NAALADL2: variants seen among roughly 807,000 people sequenced by gnomAD.
The protein encoded by NAALADL2 is inactive N-acetylated-alpha-linked acidic dipeptidase-like protein 2.
Under a neutral mutation model 87.2 loss-of-function variants are expected in NAALADL2, and 76 were observed. That is an observed-to-expected ratio of 0.87 (90% CI 0.72 to 1.05). The LOEUF is 1.05. Ranked by LOEUF, NAALADL2 falls within the 50% of genes least tolerant of loss-of-function variation. The pLI, the probability that NAALADL2 is intolerant of heterozygous loss-of-function variation, is 0.00. For synonymous variants in NAALADL2, 354 were observed against 331.0 expected (o/e 1.07, Z -0.75); for missense variants, 1,089 against 945.8 (o/e 1.15, Z -1.99).
At chr3:175,361,056 C>T (rs1434010349) in intron 5 of NAALADL2, among the ~76,000 whole-genome samples, 15 of 149,698 alleles carry the variant, frequency 1.0e-4, no homozygotes. Context: ...GTGTGATGTT[C>T]CCCATCCTGT....
At chr3:175,327,943 A>C (rs1760939926) in intron 5 of NAALADL2, among the ~76,000 whole-genome samples, 1 of 152,244 alleles carries the variant, frequency 6.6e-6, no homozygotes, top group Non-Finnish European at 1.5e-5. Flanking sequence ...GAAGCTGCTG[A>C]AAATTGATGG....
upstream of NAALADL2, among the ~76,000 whole-genome samples, chr3:174,857,998 A>G (rs1726043299): frequency 6.6e-6 from 1 of 151,602 alleles, no homozygotes; most frequent in Non-Finnish European, 1.5e-5. Flanking sequence ...CACATAATAT[A>G]TAGATTTTTT....
intron 1 of NAALADL2, among the ~76,000 whole-genome samples, chr3:174,948,325 T>C (rs1310830826): frequency 6.6e-6 from 1 of 152,076 alleles, no homozygotes; most frequent in Non-Finnish European, 1.5e-5. Context: ...TATAGGCGTG[T>C]GCCACCAAAC....
At chr3:175,134,747 T>C (rs1040443003) in intron 2 of NAALADL2, among the ~76,000 whole-genome samples, 2 of 152,108 alleles carry the variant, frequency 1.3e-5, no homozygotes, top group African/African-American at 4.8e-5. Context: ...TTCAAGACTA[T>C]CATCACTTTT....
intron 2 of NAALADL2, among the ~76,000 whole-genome samples, chr3:175,193,941 C>A (rs772951127): frequency 6.6e-6 from 1 of 151,748 alleles, no homozygotes; most frequent in Non-Finnish European, 1.5e-5. Context: ...TTTTAACAGA[C>A]GAAAATAGAT....
At chr3:174,801,688 G>A (rs73050171) in intron 3 of NAALADL2, among the ~76,000 whole-genome samples, 16,568 of 151,914 alleles carry the variant, frequency 0.11, 1,057 homozygotes, top group African/African-American at 0.18. Context: ...TATTTTGAGC[G>A]TTTTTATCAT....
chr3:175,095,387 A>G (rs1720974841), intron 1 of NAALADL2, among the ~76,000 whole-genome samples: 2 of 151,946 alleles, frequency 1.3e-5, no homozygotes, highest in Non-Finnish European at 1.5e-5. Context: ...ATAAGGTCCT[A>G]TTTATTTCTG....
At chr3:174,814,335 C>T (rs978520880) in intron 3 of NAALADL2, among the ~76,000 whole-genome samples, 11 of 151,994 alleles carry the variant, frequency 7.2e-5, no homozygotes, top group South Asian at 4.1e-4. Flanking sequence ...TCTCAATCTC[C>T]TGACCTCGTG....
At chr3:174,708,546 A>G (rs4410453) in intron 2 of NAALADL2, among the ~76,000 whole-genome samples, 125,871 of 152,116 alleles carry the variant, frequency 0.83, 52,314 homozygotes, top group Middle Eastern at 0.91. Flanking sequence ...TTGTGAACTC[A>G]TAATTATAAA....
rs60572633 is a variant in NAALADL2 at position 175,314,666 on chromosome 3, CTATATATATATATATATATATATATA to C, written c.940-9478_940-9453del. 8.5e-3 allele frequency among the ~76,000 whole-genome samples: 262 copies of C among 30,770 alleles called. 4 individuals are homozygous for C. Among genetic ancestry groups the C allele is most frequent in the African/African-American group, 0.016 (151 of 9,394 alleles). 20.2% of individuals were successfully genotyped at this position (30,770 alleles called of 152,430 possible). On this transcript the variant is annotated intron_variant, in intron 4 of 13. Transcript: ENST00000454872. ...CGTTTTCTAGTATATATAGTTCTAA[CTATATATATATATATATATATATATA>C]TATATATATATATATATATATATAT...
At chr3:174,614,552 C>T (rs1720259673) in intron 2 of NAALADL2, among the ~76,000 whole-genome samples, 1 of 152,206 alleles carries the variant, frequency 6.6e-6, no homozygotes. Flanking sequence ...CTCTCCACCA[C>T]ACTGCCACTG....
At chr3:174,765,389 T>C (rs1713676746) in intron 3 of NAALADL2, among the ~76,000 whole-genome samples, 1 of 152,228 alleles carries the variant, frequency 6.6e-6, no homozygotes, top group Non-Finnish European at 1.5e-5. Flanking sequence ...TAGTTTTATA[T>C]TTATTACTAA....
intron 1 of NAALADL2, among the ~76,000 whole-genome samples, chr3:174,489,132 T>C (rs571629702): frequency 5.3e-5 from 8 of 152,178 alleles, no homozygotes; most frequent in African/African-American, 1.9e-4. Context: ...TAATATGATA[T>C]CTTGGAAATT....
At chr3:174,503,944 T>A (rs1028278903) in intron 1 of NAALADL2, among the ~76,000 whole-genome samples, 14 of 152,294 alleles carry the variant, frequency 9.2e-5, no homozygotes, top group African/African-American at 3.1e-4. Flanking sequence ...CAGTTGTTTT[T>A]AAAATGCATT....
At chr3:175,296,430 A>G (rs926350426) in intron 4 of NAALADL2, among the ~76,000 whole-genome samples, 1 of 152,170 alleles carries the variant, frequency 6.6e-6, no homozygotes. Flanking sequence ...TGGATCTCAA[A>G]TAAGATGATC....
chr3:175,646,895 G>T (rs1439867560), intron 11 of NAALADL2, among the ~76,000 whole-genome samples: 3 of 152,080 alleles, frequency 2.0e-5, no homozygotes, highest in Admixed American at 2.0e-4. Flanking sequence ...TCAGGAAAGA[G>T]TAGATAATGC....
chr3:175,670,926 G>T (rs973977014), intron 11 of NAALADL2, among the ~76,000 whole-genome samples: 5 of 151,154 alleles, frequency 3.3e-5, no homozygotes, highest in African/African-American at 1.2e-4. Context: ...GAACAATTTA[G>T]GATATTCCTA....
intron 11 of NAALADL2, among the ~76,000 whole-genome samples, chr3:175,647,578 G>A (rs1730184715): frequency 6.6e-6 from 1 of 152,108 alleles, no homozygotes; most frequent in South Asian, 2.1e-4. Flanking sequence ...TAGAGGACTG[G>A]AAACTACAAC....
intron 1 of NAALADL2, among the ~76,000 whole-genome samples, chr3:175,038,712 C>T (rs1207557505): frequency 6.6e-6 from 1 of 151,980 alleles, no homozygotes; most frequent in African/African-American, 2.4e-5. Context: ...AACTGAATGA[C>T]CTTCTGATTC....
Sources: allele counts gnomAD v4.1 joint callset (sites outside exome capture counted in the v4.1 genomes callset), GRCh38; gene constraint gnomAD v4.1.1; transcripts MANE v1.5; gene names NCBI Gene and HGNC (gene_info 2026-07-23, HGNC 2026-07-21).